OTOG: variants seen among roughly 807,000 people sequenced by gnomAD.
OTOG encodes otogelin.
A neutral mutation model predicts 313.8 loss-of-function variants in OTOG; 296 were observed. The ratio of observed to expected loss-of-function variants is 0.94; its 90% CI spans 0.86 to 1.04. The LOEUF is 1.04. Ranked by LOEUF, OTOG falls within the 50% of genes least tolerant of loss-of-function variation. The pLI is 0.00. For missense variants in OTOG, 3,948 were observed against 3,840.1 expected (o/e 1.03, Z -0.74); for synonymous variants, 1,533 against 1,554.9 (o/e 0.99, Z 0.33).
rs147457243 is a variant in OTOG, at chr11:17,548,282, G to A, written c.216+70G>A. 89 of 1,387,246 alleles carry A rather than the reference G, an allele frequency of 6.4e-5. 1 individual carries two copies. The African/African-American group carries it at 9.5e-4, about 15-fold the overall frequency. 85.9% of individuals were successfully genotyped at this position (1,387,246 alleles called of 1,614,324 possible). A position where few individuals can be genotyped will look rare whatever the true frequency, so the allele number is the denominator to read the frequency against. On this transcript the variant is annotated intron_variant, in intron 3 of 55. Transcript: ENST00000399397. The stretch of plus-strand genomic sequence containing the variant: ...GTCTATCTGGATCTGAGGCTGGCAG[G>A]GAGCTCTGTAGGTTACAGGAGGGGT...
chr11:17,595,954 C>A (rs777605654), intron 28 of OTOG, 84 bp from the exon 29 acceptor site: 3 of 910,784 alleles, frequency 3.3e-6, no homozygotes, highest in East Asian at 2.6e-5. Context: ...AGGATCATGG[C>A]GGCCACCCTA....
intron 15 of OTOG, among the ~76,000 whole-genome samples, chr11:17,567,218 A>C (rs1395573662): frequency 6.6e-6 from 1 of 152,200 alleles, no homozygotes; most frequent in Non-Finnish European, 1.5e-5. Flanking sequence ...TCCAGAGGGG[A>C]CTAGAGGATG....
chr11:17,548,067 A>G (rs1332203744), intron 2 of OTOG, 80 bp downstream of exon 2: 3 of 1,396,646 alleles, frequency 2.1e-6, no homozygotes, highest in Non-Finnish European at 1.9e-6. Context: ...GGGCTTTAGC[A>G]CTTAGGGTGG....
intron 44 of OTOG, among the ~76,000 whole-genome samples, chr11:17,634,626 G>A (rs1276379541): frequency 1.3e-5 from 2 of 152,140 alleles, no homozygotes; most frequent in African/African-American, 2.4e-5. Context: ...GTGAGATGGG[G>A]TGCGTGTCAA....
At position 17,553,224 on chromosome 11, in the gene OTOG, T is replaced by A. The variant is rs1851981902; in HGVS notation, c.385+13T>A. 6.5e-7 allele frequency: 1 copy of A among 1,549,156 alleles called. No individual in the cohort carries two copies. The highest frequency in any genetic ancestry group is 1.4e-5 in the African/African-American group (1 of 72,972). On this transcript the variant is annotated intron_variant, in intron 5 of 55. Transcript: ENST00000399397. ...CGCTGCCAGATGGGTGGGTCTGGGCTCCACCCCACCCCCAGGAAGGGACCT... is the reference window on the plus strand; with the variant it reads ...CGCTGCCAGATGGGTGGGTCTGGGCACCACCCCACCCCCAGGAAGGGACCT...
intron 51 of OTOG, among the ~76,000 whole-genome samples, chr11:17,641,414 A>T (rs1489239818): frequency 1.3e-5 from 2 of 152,152 alleles, no homozygotes; most frequent in African/African-American, 4.8e-5. Context: ...TTTGGTGAGC[A>T]CTTCTTCATG....
intron 39 of OTOG, among the ~76,000 whole-genome samples, chr11:17,620,153 C>G (rs1241430115): frequency 6.6e-6 from 1 of 152,100 alleles, no homozygotes; most frequent in Non-Finnish European, 1.5e-5. Context: ...TTAGTACATT[C>G]ACAATATTGT....
chr11:17,581,536 C>CA (rs1436825075), intron 23 of OTOG, among the ~76,000 whole-genome samples: 2 of 152,184 alleles, frequency 1.3e-5, no homozygotes, highest in African/African-American at 2.4e-5. Context: ...AGTTTCTCAA[C>CA]AAAATGGTTG....
At chr11:17,629,109 G>A in intron 39 of OTOG, 24 bp from the exon 40 acceptor site, 1 of 1,545,082 alleles carries the variant, frequency 6.5e-7, no homozygotes, top group Non-Finnish European at 8.7e-7. Context: ...GACAAGCTGT[G>A]CTCACACTGA....
intron 24 of OTOG, among the ~76,000 whole-genome samples, chr11:17,587,302 A>G (rs1055782388): frequency 6.6e-6 from 1 of 152,220 alleles, no homozygotes; most frequent in East Asian, 1.9e-4. Flanking sequence ...GTTCTGGGCC[A>G]CACAGAGGTG....
intron 6 of OTOG, among the ~76,000 whole-genome samples, chr11:17,555,207 ATGTGTGTGTGTG>A (rs57148062): frequency 7.1e-6 from 1 of 141,160 alleles, no homozygotes; most frequent in Non-Finnish European, 1.6e-5. Flanking sequence ...GGGGGCAGAG[ATGTGTGTGTGTG>A]TGTGTGTGTG....
chr11:17,556,692 G>T (rs1040698230), intron 7 of OTOG, among the ~76,000 whole-genome samples: 2 of 152,174 alleles, frequency 1.3e-5, no homozygotes, highest in African/African-American at 4.8e-5. Context: ...CAAATTCCAG[G>T]TTGGCTAGGG....
intron 15 of OTOG, among the ~76,000 whole-genome samples, chr11:17,566,439 C>T (rs984079575): frequency 5.9e-5 from 9 of 152,030 alleles, no homozygotes; most frequent in East Asian, 1.9e-4. Context: ...TATGGAGAGC[C>T]GACTGTATAT....
chr11:17,602,105 T>C (rs1853268937), intron 31 of OTOG, 105 bp from the exon 32 acceptor site: 2 of 1,274,606 alleles, frequency 1.6e-6, no homozygotes, highest in East Asian at 5.1e-5. Context: ...AGTTCCTCCT[T>C]GGTAGCTTGC....
chr11:17,591,083 A>T (rs1169682443), intron 24 of OTOG, among the ~76,000 whole-genome samples: 2 of 152,148 alleles, frequency 1.3e-5, no homozygotes, highest in Non-Finnish European at 2.9e-5. Context: ...TTTTTGTTTT[A>T]TTCACTGATG....
intron 33 of OTOG, among the ~76,000 whole-genome samples, chr11:17,606,591 G>A (rs1341104560): frequency 1.3e-5 from 2 of 152,212 alleles, no homozygotes; most frequent in Non-Finnish European, 2.9e-5. Context: ...GACAGGGATG[G>A]GGCAACTCCC....
chr11:17,619,213 G>A (rs994502559), intron 39 of OTOG, among the ~76,000 whole-genome samples: 1 of 152,192 alleles, frequency 6.6e-6, no homozygotes, highest in African/African-American at 2.4e-5. Flanking sequence ...TGAGGCTGCA[G>A]TGAGCCGTGA....
chr11:17,592,854 G>A (rs770443982), intron 25 of OTOG, among the ~76,000 whole-genome samples: 2 of 152,162 alleles, frequency 1.3e-5, no homozygotes, highest in East Asian at 1.9e-4. Flanking sequence ...TTCAATGCCA[G>A]CAAATTCCCC....
chr11:17,605,487 A>G (rs1034892345), intron 32 of OTOG, among the ~76,000 whole-genome samples: 1 of 152,136 alleles, frequency 6.6e-6, no homozygotes, highest in East Asian at 1.9e-4. Context: ...CCTCTATTGT[A>G]TTCACTGATG....
Sources: allele counts gnomAD v4.1 joint callset (sites outside exome capture counted in the v4.1 genomes callset), GRCh38; gene constraint gnomAD v4.1.1; transcripts MANE v1.5; gene names NCBI Gene and HGNC (gene_info 2026-07-23, HGNC 2026-07-21).